Variants in IGSF21 observed in about 807,000 individuals in gnomAD.
The protein encoded by IGSF21 is immunoglobulin superfamily member 21.
IGSF21 carries 28 observed loss-of-function variants against 46.8 expected under a neutral mutation model. The observed-to-expected ratio is 0.60, with a 90% CI of 0.44 to 0.82. IGSF21 has a LOEUF of 0.82. Among genes scored for constraint, IGSF21 ranks in the 40% least tolerant of loss-of-function variants. The pLI is 0.00. For synonymous variants in IGSF21, 284 were observed against 273.6 expected (o/e 1.04, Z -0.38); for missense variants, 624 against 665.5 (o/e 0.94, Z 0.69).
At chr1:18,262,988 C>T (rs1557613438) in intron 2 of IGSF21, among the ~76,000 whole-genome samples, 2 of 152,220 alleles carry the variant, frequency 1.3e-5, no homozygotes, top group African/African-American at 4.8e-5. Flanking sequence ...TTTTCCCTCC[C>T]TCCCTTGAGT....
At chr1:18,227,801 C>A in intron 1 of IGSF21, 97 bp from the exon 2 acceptor site, 1 of 836,054 alleles carries the variant, frequency 1.2e-6, no homozygotes, top group Non-Finnish European at 2.0e-6. Context: ...CCCCAAACTT[C>A]CCTCCTCTGT....
intron 3 of IGSF21, among the ~76,000 whole-genome samples, chr1:18,310,913 G>A (rs921456728): frequency 2.0e-5 from 3 of 152,150 alleles, no homozygotes; most frequent in Non-Finnish European, 4.4e-5. Flanking sequence ...TTCTCCCGCT[G>A]TGTGTCTGTC....
intron 1 of IGSF21, among the ~76,000 whole-genome samples, chr1:18,154,178 T>C (rs761607076): frequency 1.7e-4 from 26 of 152,168 alleles, no homozygotes; most frequent in Admixed American, 8.5e-4. Flanking sequence ...CGCCTTCACC[T>C]GGGCTGATGC....
chr1:18,271,565 T>C (rs1248520664), intron 2 of IGSF21, among the ~76,000 whole-genome samples: 1 of 152,182 alleles, frequency 6.6e-6, no homozygotes, highest in African/African-American at 2.4e-5. Flanking sequence ...TCCTCCTCCA[T>C]CTGATAGCCT....
At chr1:18,134,607 TG>T (rs1314473425) in intron 1 of IGSF21, among the ~76,000 whole-genome samples, 1 of 152,188 alleles carries the variant, frequency 6.6e-6, no homozygotes, top group East Asian at 1.9e-4. Flanking sequence ...TTTCCTGGGC[TG>T]TGGATGCACA....
At chr1:18,260,105 A>G (rs756996566) in intron 2 of IGSF21, among the ~76,000 whole-genome samples, 1 of 152,230 alleles carries the variant, frequency 6.6e-6, no homozygotes, top group Non-Finnish European at 1.5e-5. Flanking sequence ...CACTTGGAAT[A>G]TTCTTAACAA....
chr1:18,346,745 G>A (rs2085897282), intron 4 of IGSF21, among the ~76,000 whole-genome samples: 1 of 152,192 alleles, frequency 6.6e-6, no homozygotes, highest in African/African-American at 2.4e-5. Context: ...GCCAGCCGGA[G>A]CTTCTGAGAA....
At chr1:18,207,556 T>C (rs969028279) in intron 1 of IGSF21, among the ~76,000 whole-genome samples, 4 of 152,226 alleles carry the variant, frequency 2.6e-5, no homozygotes, top group Non-Finnish European at 5.9e-5. Context: ...CCAGTCCTTA[T>C]TGCACTCCCT....
chr1:18,359,384 A>AGGC lies in IGSF21; in HGVS notation c.425-2731_425-2730insGGC, dbSNP rs1332696315. Among the ~76,000 whole-genome samples, 127 of 70,926 alleles carry AGGC rather than the reference A, an allele frequency of 1.8e-3. 1 individual carries two copies. The highest frequency in any genetic ancestry group is 7.3e-3 in the African/African-American group (122 of 16,676). 46.5% of individuals were successfully genotyped at this position (70,926 alleles called of 152,430 possible). ...AAAGAAAGAAAGAAAGAAAGAAAGA[A>AGGC]AGGAAGGAAGGAAGGAAGGAAGGAA... On this transcript the variant is annotated intron_variant, in intron 4 of 9. Coordinates refer to ENST00000251296, the MANE Select transcript of IGSF21 (RefSeq NM_032880.5).
chr1:18,352,324 A>G (rs1395656470), intron 4 of IGSF21, among the ~76,000 whole-genome samples: 2 of 152,218 alleles, frequency 1.3e-5, no homozygotes, highest in African/African-American at 2.4e-5. Flanking sequence ...TGAAGCTTAC[A>G]TAGATTAAAG....
intron 1 of IGSF21, among the ~76,000 whole-genome samples, chr1:18,124,461 T>G (rs1012930121): frequency 5.9e-5 from 9 of 152,188 alleles, no homozygotes; most frequent in African/African-American, 2.2e-4. Flanking sequence ...TTTGAACCCA[T>G]TTGGCCTGCT....
In IGSF21 at chr1:18,334,303, A is replaced by G. The variant is rs1247140021; in HGVS notation, c.306-589A>G. Among the ~76,000 whole-genome samples, 1 of 151,984 alleles carries G rather than the reference A, an allele frequency of 6.6e-6. No homozygotes were observed. Among genetic ancestry groups the G allele is most frequent in the African/African-American group, 2.4e-5 (1 of 41,360 alleles). On this transcript the variant is annotated intron_variant, in intron 3 of 9. Transcript: ENST00000251296. This position sits in a 1 kb window ranked among gnomAD's most constrained non-coding sequence, Gnocchi z 4.3. ...CTACTGGGATGGGGGCTCCTTTGGG[A>G]CCTGAATTTTATTGTCTTTCTCTTC...
At chr1:18,244,307 T>C (rs1234923842) in intron 2 of IGSF21, among the ~76,000 whole-genome samples, 1 of 152,214 alleles carries the variant, frequency 6.6e-6, no homozygotes, top group Non-Finnish European at 1.5e-5. Flanking sequence ...GCCTGCCAGA[T>C]GAAAAGAGCT....
chr1:18,221,214 AG>A (rs1362652577), intron 1 of IGSF21, among the ~76,000 whole-genome samples: 1 of 152,178 alleles, frequency 6.6e-6, no homozygotes, highest in Non-Finnish European at 1.5e-5. Flanking sequence ...TGAATTAGCC[AG>A]GGCCATCCAT....
intron 4 of IGSF21, among the ~76,000 whole-genome samples, chr1:18,355,325 G>A (rs1384499744): frequency 6.6e-6 from 1 of 152,206 alleles, no homozygotes; most frequent in African/African-American, 2.4e-5. Context: ...TCCGAAGTGA[G>A]TTACAATGAC....
At chr1:18,264,296 T>C (rs1215943070) in intron 2 of IGSF21, among the ~76,000 whole-genome samples, 1 of 152,198 alleles carries the variant, frequency 6.6e-6, no homozygotes, top group Non-Finnish European at 1.5e-5. Context: ...GCATGCTTGC[T>C]TTCTGCCCGG....
chr1:18,292,024 A>C, intron 3 of IGSF21, 37 bp downstream of exon 3: 9 of 1,473,786 alleles, frequency 6.1e-6, no homozygotes, highest in Non-Finnish European at 8.4e-6. Flanking sequence ...CAGCGGGGGA[A>C]GGGCGGAGGG....
chr1:18,117,464 A>G (rs928113409), intron 1 of IGSF21, among the ~76,000 whole-genome samples: 1 of 152,150 alleles, frequency 6.6e-6, no homozygotes, highest in African/African-American at 2.4e-5. Context: ...CACTTGTCCA[A>G]TTTGTGGACT....
chr1:18,137,183 A>G (rs1056427661), intron 1 of IGSF21, among the ~76,000 whole-genome samples: 3 of 152,156 alleles, frequency 2.0e-5, no homozygotes, highest in African/African-American at 7.2e-5. Context: ...CCAGAGCAGG[A>G]GCAAGAGAGC....
Sources: allele counts gnomAD v4.1 joint callset (sites outside exome capture counted in the v4.1 genomes callset), GRCh38; gene constraint gnomAD v4.1.1; non-coding constraint Gnocchi (gnomAD v3.1); transcripts MANE v1.5; gene names NCBI Gene and HGNC (gene_info 2026-07-23, HGNC 2026-07-21).